Variants in ZCCHC7 observed in about 807,000 individuals in gnomAD.
ZCCHC7 encodes the protein zinc finger CCHC domain-containing protein 7.
Under a neutral mutation model 52.0 loss-of-function variants are expected in ZCCHC7, and 35 were observed. The ratio of observed to expected loss-of-function variants is 0.67; its 90% CI spans 0.51 to 0.89. The LOEUF is 0.89. Among genes scored for constraint, ZCCHC7 ranks in the 40% least tolerant of loss-of-function variants. The pLI is 0.00. For missense variants in ZCCHC7, 574 were observed against 649.1 expected (o/e 0.88, Z 1.26); for synonymous variants, 217 against 221.5 (o/e 0.98, Z 0.18).
chr9:37,202,246 A>C (rs1401517528), intron 2 of ZCCHC7, among the ~76,000 whole-genome samples: 1 of 152,232 alleles, frequency 6.6e-6, no homozygotes, highest in African/African-American at 2.4e-5. Flanking sequence ...GATTGGGATA[A>C]CATGCATGTA....
chr9:37,333,472 G>A (rs945288237), intron 6 of ZCCHC7, among the ~76,000 whole-genome samples: 3 of 151,658 alleles, frequency 2.0e-5, no homozygotes, highest in African/African-American at 7.2e-5. Flanking sequence ...GCAAAGACCA[G>A]TATATTTAGG....
rs760429829 is a variant in ZCCHC7, at chr9:37,126,641, T to G, written c.309T>G (p.Cys103Trp). Residue 103 changes from cysteine (C) to tryptophan (W), a missense_variant, in exon 2 of 9, where the codon TGT (cysteine) becomes TGG (tryptophan). Transcript: ENST00000336755. Reference protein sequence around the residue: ...TLSDEDSIYRCKGKNVRVQAQ... With the variant: ...TLSDEDSIYRWKGKNVRVQAQ... ...CTGATGAAGACAGTATTTATAGATG[T>G]AAAGGAAAGAATGTTAGAGTTCAAG... 5 of 1,614,020 alleles carry G rather than the reference T, an allele frequency of 3.1e-6. No homozygotes were observed. The East Asian group carries it at 1.1e-4, about 36-fold the overall frequency.
chr9:37,323,949 T>C (rs146509483), intron 5 of ZCCHC7, among the ~76,000 whole-genome samples: 1 of 152,274 alleles, frequency 6.6e-6, no homozygotes, highest in East Asian at 1.9e-4. Flanking sequence ...GGGGCGTTCT[T>C]TTTAATAAAG....
intron 2 of ZCCHC7, among the ~76,000 whole-genome samples, chr9:37,255,253 T>A (rs1269088023): frequency 1.3e-5 from 2 of 152,090 alleles, no homozygotes; most frequent in Admixed American, 1.3e-4. Context: ...TGTGTTGATG[T>A]GAAATTATGA....
intron 2 of ZCCHC7, chr9:37,186,694 A>ATTTTTTTTT: frequency 1.7e-6 from 1 of 581,684 alleles, no homozygotes; most frequent in Non-Finnish European, 3.2e-6. Flanking sequence ...AGATTCAAAT[A>ATTTTTTTTT]TTTTTTTTTC....
At chr9:37,134,351 C>A (rs1379439887) in intron 2 of ZCCHC7, among the ~76,000 whole-genome samples, 1 of 152,090 alleles carries the variant, frequency 6.6e-6, no homozygotes, top group East Asian at 1.9e-4. Flanking sequence ...GTTCTACTGT[C>A]CTCTGTCTTT....
chr9:37,134,803 G>T (rs1842931958), intron 2 of ZCCHC7, among the ~76,000 whole-genome samples: 1 of 152,082 alleles, frequency 6.6e-6, no homozygotes, highest in Admixed American at 6.5e-5. Flanking sequence ...TCAGCTCACC[G>T]CAACTTCCGC....
At chr9:37,339,302 G>T (rs1394138541) in intron 6 of ZCCHC7, among the ~76,000 whole-genome samples, 1 of 152,156 alleles carries the variant, frequency 6.6e-6, no homozygotes, top group Admixed American at 6.5e-5. Context: ...ACAAATGGAA[G>T]ACTTTGTCCA....
chr9:37,268,973 C>T (rs961346867), intron 2 of ZCCHC7, among the ~76,000 whole-genome samples: 3 of 152,076 alleles, frequency 2.0e-5, no homozygotes, highest in Admixed American at 6.6e-5. Flanking sequence ...GTATGGAGGC[C>T]AAGGAAGGCT....
At chr9:37,150,489 C>T (rs574318063) in intron 2 of ZCCHC7, among the ~76,000 whole-genome samples, 1 of 152,226 alleles carries the variant, frequency 6.6e-6, no homozygotes, top group South Asian at 2.1e-4. Context: ...ACAGTGATTG[C>T]CCTTGATGTA....
At chr9:37,143,164 C>G (rs755087204) in intron 2 of ZCCHC7, among the ~76,000 whole-genome samples, 2 of 151,658 alleles carry the variant, frequency 1.3e-5, no homozygotes, top group African/African-American at 4.8e-5. Flanking sequence ...TTGAAACTCT[C>G]GTTTTGTAGG....
At chr9:37,320,538 C>T (rs564647224) in intron 5 of ZCCHC7, among the ~76,000 whole-genome samples, 30 of 152,236 alleles carry the variant, frequency 2.0e-4, no homozygotes, top group African/African-American at 7.0e-4. Flanking sequence ...GAGTTGACTC[C>T]ACTGTATTGA....
intron 5 of ZCCHC7, among the ~76,000 whole-genome samples, chr9:37,308,506 T>TGTGA (rs201767996): frequency 0.051 from 7,689 of 152,256 alleles, 619 homozygotes; most frequent in African/African-American, 0.17. Flanking sequence ...TATAATCATC[T>TGTGA]GTGTTAATTC....
At chr9:37,219,713 A>G (rs1273793320) in intron 2 of ZCCHC7, among the ~76,000 whole-genome samples, 1 of 152,246 alleles carries the variant, frequency 6.6e-6, no homozygotes, top group East Asian at 1.9e-4. Flanking sequence ...ACATTTTAAG[A>G]TATAATGTGG....
chr9:37,146,509 T>C (rs550172735), intron 2 of ZCCHC7, among the ~76,000 whole-genome samples: 1 of 152,088 alleles, frequency 6.6e-6, no homozygotes, highest in Non-Finnish European at 1.5e-5. Flanking sequence ...TAATTAAGCC[T>C]CCCTTTACTT....
intron 2 of ZCCHC7, 106 bp downstream of exon 2, chr9:37,127,048 T>A (rs1013104975): frequency 5.0e-6 from 7 of 1,403,698 alleles, no homozygotes; most frequent in Non-Finnish European, 6.7e-6. Context: ...ATTCCTCACT[T>A]TTTGGTCTTG....
intron 2 of ZCCHC7, among the ~76,000 whole-genome samples, chr9:37,143,856 AT>A (rs1843329025): frequency 6.6e-6 from 1 of 151,854 alleles, no homozygotes; most frequent in Middle Eastern, 3.4e-3. Context: ...TGATATTTTG[AT>A]TTTATTAATA....
At chr9:37,274,617 G>C (rs988792814) in intron 2 of ZCCHC7, among the ~76,000 whole-genome samples, 1 of 152,012 alleles carries the variant, frequency 6.6e-6, no homozygotes, top group Non-Finnish European at 1.5e-5. Context: ...GGGATTACAG[G>C]CATGAGCCAC....
At chr9:37,216,445 TG>T (rs1204811355) in intron 2 of ZCCHC7, among the ~76,000 whole-genome samples, 3 of 152,220 alleles carry the variant, frequency 2.0e-5, no homozygotes, top group African/African-American at 7.2e-5. Flanking sequence ...GAGGCCGAGG[TG>T]GGCGGATCAC....
Sources: allele counts gnomAD v4.1 joint callset (sites outside exome capture counted in the v4.1 genomes callset), GRCh38; gene constraint gnomAD v4.1.1; transcripts MANE v1.5; gene names NCBI Gene and HGNC (gene_info 2026-07-23, HGNC 2026-07-21).